The following NRP1 variants were observed in gnomAD, a reference collection of about 807,000 sequenced individuals.
NRP1 encodes neuropilin 1, also known as neuropilin-1.
A neutral mutation model predicts 106.7 loss-of-function variants in NRP1; 35 were observed. The observed-to-expected ratio is 0.33, with a 90% CI of 0.25 to 0.43. The LOEUF (loss-of-function observed/expected upper bound fraction) is 0.43, where lower values mean the gene tolerates loss of function less well. Ranked by LOEUF, NRP1 falls within the 20% of genes least tolerant of loss-of-function variation. NRP1 has a pLI of 1.00. For missense variants in NRP1, 1,024 were observed against 1,170.4 expected (o/e 0.87, Z 1.83); for synonymous variants, 437 against 417.9 (o/e 1.05, Z -0.56).
chr10:33,195,138 T>A (rs1241961004), intron 12 of NRP1, among the ~76,000 whole-genome samples: 1 of 152,218 alleles, frequency 6.6e-6, no homozygotes, highest in East Asian at 1.9e-4. Context: ...GCACCATATG[T>A]ATGCATAAGG....
At chr10:33,269,758 T>C (rs1181187735) in intron 3 of NRP1, among the ~76,000 whole-genome samples, 1 of 152,100 alleles carries the variant, frequency 6.6e-6, no homozygotes. Flanking sequence ...CACTAGATTC[T>C]CATAGGAGCG....
chr10:33,239,791 C>T (rs558548842), intron 6 of NRP1, among the ~76,000 whole-genome samples: 1 of 152,272 alleles, frequency 6.6e-6, no homozygotes, highest in East Asian at 1.9e-4. Context: ...ACTCAAACCT[C>T]GTCTCAACCT....
intron 2 of NRP1, among the ~76,000 whole-genome samples, chr10:33,328,701 A>G (rs1392542196): frequency 1.3e-5 from 2 of 152,182 alleles, no homozygotes; most frequent in African/African-American, 4.8e-5. Context: ...GTGACATCAC[A>G]TGGTTAGTTT....
chr10:33,299,823 T>C (rs1168039718), intron 2 of NRP1, among the ~76,000 whole-genome samples: 1 of 152,188 alleles, frequency 6.6e-6, no homozygotes, highest in Admixed American at 6.5e-5. Context: ...TAATTGATTC[T>C]GATGACGATG....
intron 6 of NRP1, among the ~76,000 whole-genome samples, chr10:33,234,711 T>C (rs928574406): frequency 3.9e-5 from 6 of 152,288 alleles, no homozygotes; most frequent in African/African-American, 1.4e-4. Context: ...TCTCACGAAT[T>C]TTCTTTTAGT....
At chr10:33,223,260 C>T (rs924350392) in intron 7 of NRP1, among the ~76,000 whole-genome samples, 3 of 152,112 alleles carry the variant, frequency 2.0e-5, no homozygotes, top group Non-Finnish European at 2.9e-5. Flanking sequence ...TTGTGAAAGT[C>T]GGGCTTGTGT....
chr10:33,250,655 C>G (rs1267961562), intron 6 of NRP1, among the ~76,000 whole-genome samples: 1 of 152,204 alleles, frequency 6.6e-6, no homozygotes, highest in Non-Finnish European at 1.5e-5. Context: ...TGTTTCCAAG[C>G]CTGGTCACTA....
intron 6 of NRP1, among the ~76,000 whole-genome samples, chr10:33,239,577 T>C (rs1840851892): frequency 6.6e-6 from 1 of 152,208 alleles, no homozygotes; most frequent in Admixed American, 6.5e-5. Context: ...TTCTAGTCCT[T>C]TGAAAAGTTC....
chr10:33,293,217 A>G (rs1166103314), intron 2 of NRP1, among the ~76,000 whole-genome samples: 1 of 152,230 alleles, frequency 6.6e-6, no homozygotes, highest in Non-Finnish European at 1.5e-5. Flanking sequence ...ATTAACTTGA[A>G]CACAATGGTC....
At chr10:33,303,031 G>A (rs1011710066) in intron 2 of NRP1, among the ~76,000 whole-genome samples, 4 of 152,094 alleles carry the variant, frequency 2.6e-5, no homozygotes, top group African/African-American at 7.2e-5. Context: ...TCTTTCCCCC[G>A]TGATTTCATT....
At chr10:33,282,767 G>T (rs1255443679) in intron 2 of NRP1, among the ~76,000 whole-genome samples, 1 of 151,300 alleles carries the variant, frequency 6.6e-6, no homozygotes, top group Non-Finnish European at 1.5e-5. Flanking sequence ...TTTTTTGAAG[G>T]CAGAGTCTTG....
chr10:33,317,431 G>A (rs1422894998), intron 2 of NRP1, among the ~76,000 whole-genome samples: 1 of 152,180 alleles, frequency 6.6e-6, no homozygotes, highest in East Asian at 1.9e-4. Context: ...GAAATAGAGG[G>A]GAAATGATGT....
At chr10:33,268,833 A>G (rs1571781) in intron 3 of NRP1, among the ~76,000 whole-genome samples, 97,283 of 152,070 alleles carry the variant, frequency 0.64, 31,692 homozygotes, top group African/African-American at 0.75. Flanking sequence ...TTATGCTGAT[A>G]TCATATGTAT....
At chr10:33,214,259 T>C (rs1373541703) in intron 8 of NRP1, among the ~76,000 whole-genome samples, 1 of 152,092 alleles carries the variant, frequency 6.6e-6, no homozygotes, top group Non-Finnish European at 1.5e-5. Flanking sequence ...CCCACAACTG[T>C]TCTCCCCACC....
intron 2 of NRP1, among the ~76,000 whole-genome samples, chr10:33,313,348 A>G (rs953379163): frequency 1.3e-5 from 2 of 152,106 alleles, no homozygotes; most frequent in Non-Finnish European, 2.9e-5. Flanking sequence ...AAGAAAGCAA[A>G]AAGTAGGGAG....
chr10:33,314,788 T>C (rs1846896564), intron 2 of NRP1, among the ~76,000 whole-genome samples: 1 of 152,180 alleles, frequency 6.6e-6, no homozygotes, highest in South Asian at 2.1e-4. Context: ...AGGAGGCTTG[T>C]TATTTTTCTG....
intron 6 of NRP1, among the ~76,000 whole-genome samples, chr10:33,251,963 T>G (rs1415715606): frequency 6.6e-6 from 1 of 152,112 alleles, no homozygotes; most frequent in Non-Finnish European, 1.5e-5. Context: ...CGGACCAAAG[T>G]GAAGACAGGT....
At chr10:33,201,046 G>T (rs375155763) in intron 11 of NRP1, 6 of 152,190 alleles carry the variant, frequency 3.9e-5, no homozygotes, top group African/African-American at 1.2e-4. Context: ...TATGTAAAAA[G>T]AAAAAATCAG....
chr10:33,226,270 C>T lies in NRP1; in HGVS notation c.1001G>A (p.Arg334His), dbSNP rs754511946. ...EWIQVDLGLL[R>H]FVTAVGTQGA... The stretch of plus-strand genomic sequence containing the variant: ...CTGTGTCCCGACAGCCGTGACAAAG[C>T]GCAGAAGGCCCAAGTCTACCTGCAA... Residue 334 changes from arginine to histidine, a missense_variant, in exon 7 of 17, where the codon CGC (arginine) becomes CAC (histidine). This residue lies in a region of NRP1 where 562 missense variants were observed against 620.3 expected (regional missense o/e 0.91). Coordinates refer to ENST00000374867, the MANE Select transcript of NRP1 (RefSeq NM_003873.7). 1.5e-5 allele frequency: 25 copies of T among 1,613,958 alleles called. No individual in the cohort carries two copies. Among genetic ancestry groups the T allele is most frequent in the Admixed American group, 1.0e-4 (6 of 59,994 alleles).
Sources: allele counts gnomAD v4.1 joint callset (sites outside exome capture counted in the v4.1 genomes callset), GRCh38; gene constraint gnomAD v4.1.1; regional missense constraint gnomAD v4.1.1; transcripts MANE v1.5; gene names NCBI Gene and HGNC (gene_info 2026-07-23, HGNC 2026-07-21).